Variants in ROBO2 observed in about 807,000 individuals in gnomAD.
ROBO2 encodes roundabout guidance receptor 2.
In ROBO2, 53 loss-of-function variants were observed where a neutral mutation model predicts 160.8. The observed-to-expected ratio is 0.33, with a 90% CI of 0.26 to 0.41. The LOEUF (loss-of-function observed/expected upper bound fraction) is 0.41. Ranked by LOEUF, ROBO2 falls within the 10% of genes least tolerant of loss-of-function variation. The probability of loss-of-function intolerance (pLI) is 1.00; values close to 1 mark genes in which losing one functional copy is unlikely to be tolerated. For missense variants in ROBO2, 1,577 were observed against 1,722.4 expected (o/e 0.92, Z 1.49); for synonymous variants, 664 against 611.7 (o/e 1.09, Z -1.26).
intron 2 of ROBO2, among the ~76,000 whole-genome samples, chr3:76,190,253 G>A (rs1484573035): frequency 6.6e-6 from 1 of 151,974 alleles, no homozygotes; most frequent in Admixed American, 6.6e-5. Context: ...GATATTCTAA[G>A]CAATAAAATC....
intron 2 of ROBO2, chr3:77,316,810 C>T: frequency 7.7e-7 from 1 of 1,303,714 alleles, no homozygotes; most frequent in Admixed American, 1.7e-5. Context: ...GACGTTCTTG[C>T]CATCCAGGAG....
intron 2 of ROBO2, among the ~76,000 whole-genome samples, chr3:76,864,195 A>G (rs537959656): frequency 5.9e-5 from 9 of 152,182 alleles, no homozygotes; most frequent in Middle Eastern, 3.4e-3. Context: ...CACTCACAGT[A>G]TGTTTTTATT....
Position 76,142,340 on chromosome 3 carries a change from C to T in ROBO2, c.109+204738C>T, listed in dbSNP as rs1333414763. 2.6e-5 allele frequency among the ~76,000 whole-genome samples: 4 copies of T among 151,996 alleles called. No individual in the cohort carries two copies. The East Asian group carries it at 7.8e-4, about 29-fold the overall frequency. On this transcript the variant is annotated intron_variant, in intron 2 of 26. Coordinates refer to the ROBO2 transcript ENST00000487694. ...GGTACATACCCAAAAGAAAGGAAAT[C>T]AGTTTATGGAAGAGATATCTGCACT...
chr3:77,087,196 C>A (rs2069443389), intron 1 of ROBO2, among the ~76,000 whole-genome samples: 1 of 152,102 alleles, frequency 6.6e-6, no homozygotes, highest in African/African-American at 2.4e-5. Context: ...ATCCCCTTTT[C>A]TGGAGACACA....
chr3:76,125,260 G>A (rs1157724014), intron 2 of ROBO2, among the ~76,000 whole-genome samples: 1 of 152,064 alleles, frequency 6.6e-6, no homozygotes, highest in Non-Finnish European at 1.5e-5. Context: ...GTGGGCAGCT[G>A]GGTTGATTCC....
chr3:76,860,694 A>AT (rs1037402944), intron 2 of ROBO2, among the ~76,000 whole-genome samples: 1 of 151,986 alleles, frequency 6.6e-6, no homozygotes, highest in Non-Finnish European at 1.5e-5. Flanking sequence ...TTCCTCCTAC[A>AT]TTTTTTAACA....
chr3:76,429,271 A>G (rs1447051848), intron 2 of ROBO2, among the ~76,000 whole-genome samples: 1 of 152,102 alleles, frequency 6.6e-6, no homozygotes, highest in Admixed American at 6.6e-5. Flanking sequence ...CCTCATGCTT[A>G]TAGGGGTAGA....
intron 2 of ROBO2, among the ~76,000 whole-genome samples, chr3:76,583,717 T>C (rs1000710251): frequency 6.6e-6 from 1 of 152,122 alleles, no homozygotes; most frequent in African/African-American, 2.4e-5. Context: ...CCAGTGTATT[T>C]ATTTATTGTC....
At chr3:76,761,600 T>C (rs1275204815) in intron 2 of ROBO2, among the ~76,000 whole-genome samples, 12 of 151,812 alleles carry the variant, frequency 7.9e-5, no homozygotes, top group Non-Finnish European at 1.5e-5. Flanking sequence ...CTTTTTTCTC[T>C]GATCTAGACT....
intron 2 of ROBO2, among the ~76,000 whole-genome samples, chr3:76,954,864 A>AAATTAT (rs2079154115): frequency 6.6e-6 from 1 of 152,226 alleles, no homozygotes; most frequent in Non-Finnish European, 1.5e-5. Context: ...TACACATAAA[A>AAATTAT]AATTATATAT....
intron 14 of ROBO2, 30 bp from the exon 16 acceptor site, chr3:77,577,460 T>C: frequency 6.2e-7 from 1 of 1,612,962 alleles, no homozygotes; most frequent in Non-Finnish European, 8.5e-7. Context: ...GGCTTATAGT[T>C]TGCATTTATT....
At chr3:76,799,318 C>A (rs963878713) in intron 2 of ROBO2, among the ~76,000 whole-genome samples, 4 of 151,868 alleles carry the variant, frequency 2.6e-5, no homozygotes, top group African/African-American at 9.7e-5. Flanking sequence ...AGATCTTGAA[C>A]AAGGCAAGGA....
At chr3:77,247,691 C>T (rs1236368051) in intron 2 of ROBO2, among the ~76,000 whole-genome samples, 1 of 152,158 alleles carries the variant, frequency 6.6e-6, no homozygotes, top group Non-Finnish European at 1.5e-5. Flanking sequence ...TGCAAATGCA[C>T]GTGCTCTCTT....
At chr3:77,408,985 C>T (rs185526236) in intron 2 of ROBO2, among the ~76,000 whole-genome samples, 95 of 151,882 alleles carry the variant, frequency 6.3e-4, no homozygotes, top group African/African-American at 2.2e-3. Flanking sequence ...CCTCTTGCCT[C>T]GTCCTCCCAA....
intron 2 of ROBO2, among the ~76,000 whole-genome samples, chr3:76,072,213 T>C (rs2068482962): frequency 1.3e-5 from 2 of 148,350 alleles, no homozygotes; most frequent in Admixed American, 1.4e-4. Context: ...TCTCCGAGGC[T>C]GGATAGTAGA....
At chr3:76,584,900 G>T (rs939789076) in intron 2 of ROBO2, among the ~76,000 whole-genome samples, 8 of 152,152 alleles carry the variant, frequency 5.3e-5, no homozygotes, top group Non-Finnish European at 7.3e-5. Context: ...TCAGAGCCTT[G>T]TGTTAAATTC....
intron 2 of ROBO2, among the ~76,000 whole-genome samples, chr3:77,177,723 A>G (rs1057009860): frequency 4.6e-5 from 7 of 152,104 alleles, no homozygotes; most frequent in East Asian, 1.9e-4. Flanking sequence ...AGTTAAATAT[A>G]TAAGTAGAAA....
intron 2 of ROBO2, among the ~76,000 whole-genome samples, chr3:76,356,466 G>T (rs537720346): frequency 6.6e-6 from 1 of 151,468 alleles, no homozygotes; most frequent in Non-Finnish European, 1.5e-5. Flanking sequence ...GAAAGTAAGG[G>T]TAGAGAAAGC....
intron 2 of ROBO2, among the ~76,000 whole-genome samples, chr3:77,336,692 C>T (rs906308344): frequency 1.3e-5 from 2 of 152,112 alleles, no homozygotes; most frequent in South Asian, 2.1e-4. Flanking sequence ...CAGATACAAC[C>T]TTGTATGGCA....
Sources: allele counts gnomAD v4.1 joint callset (sites outside exome capture counted in the v4.1 genomes callset), GRCh38; gene constraint gnomAD v4.1.1; transcripts MANE v1.5; gene names NCBI Gene and HGNC (gene_info 2026-07-23, HGNC 2026-07-21).